The following NDUFAF2 variants were observed in gnomAD, a reference collection of about 807,000 sequenced individuals.
NDUFAF2 encodes NADH:ubiquinone oxidoreductase complex assembly factor 2.
Under a neutral mutation model 22.8 loss-of-function variants are expected in NDUFAF2, and 13 were observed. That is an observed-to-expected ratio of 0.57 (90% confidence interval 0.37 to 0.91). NDUFAF2 has a LOEUF of 0.91. Among genes scored for constraint, NDUFAF2 ranks in the 40% least tolerant of loss-of-function variants. NDUFAF2 has a pLI of 0.01. For synonymous variants in NDUFAF2, 53 were observed against 64.2 expected, an observed-to-expected ratio of 0.83 and a Z score of 0.84; for missense variants, 162 against 195.2, an observed-to-expected ratio of 0.83 and a Z score of 1.01.
chr5:60,945,560 C>A, intron 1 of NDUFAF2, 178 bp downstream of exon 1: 2 of 961,804 alleles, frequency 2.1e-6, no homozygotes, highest in Non-Finnish European at 1.6e-6. Flanking sequence ...CGGAGCCCTA[C>A]CCGGCCCGGC....
At chr5:60,982,893 G>A (rs368727678) in intron 1 of NDUFAF2, among the ~76,000 whole-genome samples, 23 of 152,040 alleles carry the variant, frequency 1.5e-4, no homozygotes, top group East Asian at 7.8e-4. Flanking sequence ...AGCATGATTC[G>A]TAAACCTTTG....
intron 1 of NDUFAF2, among the ~76,000 whole-genome samples, chr5:61,019,086 T>G (rs1751546691): frequency 6.6e-6 from 1 of 152,142 alleles, no homozygotes; most frequent in Non-Finnish European, 1.5e-5. Flanking sequence ...GACATTATGC[T>G]AGATAATCTT....
intron 1 of NDUFAF2, among the ~76,000 whole-genome samples, chr5:61,035,957 GATAA>G (rs1369475345): frequency 6.6e-6 from 1 of 152,088 alleles, no homozygotes; most frequent in Non-Finnish European, 1.5e-5. Context: ...TGCTGTATTA[GATAA>G]ATAATAAATA....
intron 1 of NDUFAF2, among the ~76,000 whole-genome samples, chr5:60,983,756 C>T (rs923763564): frequency 1.3e-5 from 2 of 150,860 alleles, no homozygotes; most frequent in African/African-American, 4.9e-5. Flanking sequence ...TTCCATTGGT[C>T]TATATCTCTG....
intron 1 of NDUFAF2, among the ~76,000 whole-genome samples, chr5:60,972,623 A>G (rs920720498): frequency 6.6e-6 from 1 of 152,188 alleles, no homozygotes. Flanking sequence ...GTGTGAGAAC[A>G]GACTAATACA....
rs1580089979 is a variant in NDUFAF2 at position 61,004,481 on chromosome 5, G to C, written c.127+59099G>C. ...GAAATCTACTGGAGTATCATATAAG[G>C]GAATAAAAGAGCATTCTTGAGATTG... On this transcript the variant is annotated intron_variant, in intron 1 of 3. Transcript: ENST00000296597. 2.6e-5 allele frequency among the ~76,000 whole-genome samples: 4 copies of C among 151,986 alleles called. No individual in the cohort carries two copies. In the South Asian group the frequency reaches 8.3e-4, roughly 32 times the overall value.
chr5:61,081,434 G>T (rs1752441343), intron 2 of NDUFAF2, among the ~76,000 whole-genome samples: 2 of 152,090 alleles, frequency 1.3e-5, no homozygotes, highest in African/African-American at 4.8e-5. Flanking sequence ...AATGATACAA[G>T]CAAGGGATAC....
intron 1 of NDUFAF2, among the ~76,000 whole-genome samples, chr5:60,976,471 T>C (rs1750904463): frequency 6.6e-6 from 1 of 152,206 alleles, no homozygotes; most frequent in South Asian, 2.1e-4. Context: ...CCTTAACATA[T>C]AGCTGATATT....
chr5:61,006,202 C>A (rs577104213), intron 1 of NDUFAF2, among the ~76,000 whole-genome samples: 2 of 151,934 alleles, frequency 1.3e-5, no homozygotes, highest in Non-Finnish European at 2.9e-5. Context: ...ATAGGGAATC[C>A]TTTCCCCATT....
chr5:61,115,445 T>C (rs1314074893), intron 3 of NDUFAF2: 1 of 152,312 alleles, frequency 6.6e-6, no homozygotes, highest in Admixed American at 6.6e-5. Flanking sequence ...TTTTTGATTC[T>C]TATGAAGGTG....
At chr5:61,119,591 A>G (rs1394037107) in intron 3 of NDUFAF2, among the ~76,000 whole-genome samples, 2 of 152,030 alleles carry the variant, frequency 1.3e-5, no homozygotes, top group Non-Finnish European at 2.9e-5. Flanking sequence ...CCATTTTTTT[A>G]TTTACCTACT....
chr5:61,065,422 T>C (rs941740841), intron 1 of NDUFAF2, among the ~76,000 whole-genome samples: 4 of 152,080 alleles, frequency 2.6e-5, no homozygotes, highest in African/African-American at 7.2e-5. Flanking sequence ...ATTTTTCTGA[T>C]GAACATTGGT....
At chr5:61,035,550 G>A (rs1002442832) in intron 1 of NDUFAF2, among the ~76,000 whole-genome samples, 11 of 147,490 alleles carry the variant, frequency 7.5e-5, no homozygotes, top group East Asian at 2.0e-4. Flanking sequence ...CCAAGCTTCC[G>A]GAAACACCAT....
intron 1 of NDUFAF2, among the ~76,000 whole-genome samples, chr5:60,948,669 A>T (rs1303662236): frequency 6.6e-6 from 1 of 151,184 alleles, no homozygotes; most frequent in Non-Finnish European, 1.5e-5. Context: ...ATTCCATTGT[A>T]TGTATATACC....
At chr5:61,012,733 ATT>A (rs1166004865) in intron 1 of NDUFAF2, among the ~76,000 whole-genome samples, 1 of 151,980 alleles carries the variant, frequency 6.6e-6, no homozygotes, top group Non-Finnish European at 1.5e-5. Context: ...ATTTTAAACA[ATT>A]TTATTATTTT....
intron 2 of NDUFAF2, among the ~76,000 whole-genome samples, chr5:61,076,215 T>C (rs937605938): frequency 3.9e-5 from 6 of 151,952 alleles, no homozygotes; most frequent in African/African-American, 1.4e-4. Flanking sequence ...GGACTACAGG[T>C]GCCCGCCACC....
chr5:60,999,734 A>T (rs1751273244), intron 1 of NDUFAF2, among the ~76,000 whole-genome samples: 1 of 152,224 alleles, frequency 6.6e-6, no homozygotes, highest in African/African-American at 2.4e-5. Context: ...TTTAAGAAAG[A>T]ATAACTAGTT....
intron 1 of NDUFAF2, among the ~76,000 whole-genome samples, chr5:61,056,352 A>G (rs958827968): frequency 1.3e-5 from 2 of 152,144 alleles, no homozygotes; most frequent in East Asian, 1.9e-4. Flanking sequence ...GAAATAATGA[A>G]TAAGTAGGTA....
intron 3 of NDUFAF2, among the ~76,000 whole-genome samples, chr5:61,110,259 TTTCTTC>T (rs145073058): frequency 6.6e-6 from 1 of 151,852 alleles, no homozygotes; most frequent in Non-Finnish European, 1.5e-5. Context: ...ATAGTTTTCT[TTTCTTC>T]TTCTTCTTCT....
Sources: allele counts gnomAD v4.1 joint callset (sites outside exome capture counted in the v4.1 genomes callset), GRCh38; gene constraint gnomAD v4.1.1; transcripts MANE v1.5; gene names NCBI Gene and HGNC (gene_info 2026-07-23, HGNC 2026-07-21).